The following RTTN variants were observed in gnomAD, a reference collection of about 807,000 sequenced individuals.
RTTN encodes rotatin.
In RTTN, 182 loss-of-function variants were observed where a neutral mutation model predicts 269.2. That is an observed-to-expected ratio of 0.68 (90% CI 0.60 to 0.76). The LOEUF (loss-of-function observed/expected upper bound fraction) is 0.76. Ranked by LOEUF, RTTN falls within the 30% of genes least tolerant of loss-of-function variation. The probability of loss-of-function intolerance (pLI) is 0.00; values close to 1 mark genes in which losing one functional copy is unlikely to be tolerated. For missense variants in RTTN, 2,545 were observed against 2,608.6 expected, an observed-to-expected ratio of 0.98 and a Z score of 0.53; for synonymous variants, 1,006 against 963.5, an observed-to-expected ratio of 1.04 and a Z score of -0.82.
intron 26 of RTTN, among the ~76,000 whole-genome samples, chr18:70,118,708 C>T (rs527685150): frequency 4.6e-5 from 7 of 152,122 alleles, no homozygotes; most frequent in African/African-American, 1.7e-4. Flanking sequence ...CAAACTGAAA[C>T]CAAGAGCACA....
At chr18:70,191,554 C>T (rs778941456) in intron 8 of RTTN, among the ~76,000 whole-genome samples, 6 of 152,118 alleles carry the variant, frequency 3.9e-5, no homozygotes, top group Admixed American at 6.5e-5. Context: ...CCCAAAAAAA[C>T]GGAACATCCC....
chr18:70,109,474 C>T (rs2059404384), intron 28 of RTTN, 24 bp downstream of exon 28: 1 of 1,582,562 alleles, frequency 6.3e-7, no homozygotes, highest in East Asian at 2.2e-5. Context: ...TAGTAAATAA[C>T]TACCATATGC....
rs142885283 is a variant in RTTN, at chr18:70,172,665, C to T, written c.1477-3598G>A. ...TAGATAATTGATTTGTTTTTAAAAA[C>T]GGAAACAATAAAACAATAACTACCT... On this transcript the variant is annotated intron_variant, in intron 11 of 48. Transcript: ENST00000640769. Among the ~76,000 whole-genome samples, 31 of 150,956 alleles carry T rather than the reference C, an allele frequency of 2.1e-4. No homozygotes were observed. The East Asian group carries it at 3.3e-3, about 16-fold the overall frequency.
chr18:70,010,273 A>G (rs1280385958), intron 46 of RTTN, among the ~76,000 whole-genome samples: 2 of 152,214 alleles, frequency 1.3e-5, no homozygotes, highest in Non-Finnish European at 2.9e-5. Flanking sequence ...CCCCAAATCA[A>G]CAGAGTATAC....
chr18:70,064,086 C>T (rs1446577277), intron 35 of RTTN, among the ~76,000 whole-genome samples: 1 of 150,354 alleles, frequency 6.7e-6, no homozygotes, highest in Non-Finnish European at 1.5e-5. Context: ...GTCTGTAATC[C>T]CAGCACTTTG....
intron 40 of RTTN, among the ~76,000 whole-genome samples, chr18:70,037,691 T>C (rs2057216785): frequency 6.6e-6 from 1 of 152,026 alleles, no homozygotes; most frequent in African/African-American, 2.4e-5. Context: ...GCAGCTGTGG[T>C]GGCTACAACA....
At chr18:70,188,063 A>C (rs923622341) in intron 10 of RTTN, 45 bp downstream of exon 10, 2 of 1,183,096 alleles carry the variant, frequency 1.7e-6, no homozygotes, top group African/African-American at 3.1e-5. Context: ...CCAAAATCTT[A>C]AAAAATACTA....
chr18:70,149,997 G>A lies in RTTN; in HGVS notation c.2146C>T (p.Leu716Phe). Residue 716 changes from leucine to phenylalanine, a missense_variant, in exon 16 of 49, where the codon CTC (leucine) becomes TTC (phenylalanine). Transcript: ENST00000640769. The stretch of plus-strand genomic sequence containing the variant: ...TGTAGTATTGGGATGACAGGACAGA[G>A]AGATTCAATAAACTTGTTCCAGGTC... ...ALTWNKFIESLCPVIPILQGY... is the reference protein window; with the variant it reads ...ALTWNKFIESFCPVIPILQGY... 1 of 1,611,452 alleles carries A rather than the reference G, an allele frequency of 6.2e-7. No individual in the cohort carries two copies. Among genetic ancestry groups the A allele is most frequent in the East Asian group, 2.2e-5 (1 of 44,864 alleles).
intron 21 of RTTN, among the ~76,000 whole-genome samples, chr18:70,137,408 C>T (rs902787552): frequency 4.6e-5 from 7 of 152,124 alleles, no homozygotes; most frequent in African/African-American, 1.7e-4. Flanking sequence ...GCAGTGTTAT[C>T]TGAGAAGTTA....
At chr18:70,107,664 A>C (rs1295326162) in intron 28 of RTTN, among the ~76,000 whole-genome samples, 1 of 152,232 alleles carries the variant, frequency 6.6e-6, no homozygotes, top group African/African-American at 2.4e-5. Flanking sequence ...AACTAAACTA[A>C]AAGTAGAAGG....
Position 70,015,702 on chromosome 18 carries a change from C to T in RTTN, c.6421+1705G>A, listed in dbSNP as rs961765418. 2.6e-5 allele frequency among the ~76,000 whole-genome samples: 4 copies of T among 152,236 alleles called. No homozygotes were observed. The East Asian group carries it at 7.7e-4, about 29-fold the overall frequency. On this transcript the variant is annotated intron_variant, in intron 46 of 48. Transcript: ENST00000640769. ...AATGAAGGAGAAAAAGCATTGCTGA[C>T]TACAAAGAAATGCTAAAAATAATTC... is the stretch of plus-strand genomic sequence containing the variant.
intron 28 of RTTN, among the ~76,000 whole-genome samples, chr18:70,101,450 A>G (rs2059163265): frequency 1.3e-5 from 2 of 151,778 alleles, no homozygotes; most frequent in Admixed American, 6.6e-5. Flanking sequence ...TATTGCATCT[A>G]TTTGATTCTT....
chr18:70,115,916 G>C (rs1022664767), intron 26 of RTTN, among the ~76,000 whole-genome samples: 17 of 151,802 alleles, frequency 1.1e-4, no homozygotes, highest in African/African-American at 4.1e-4. Context: ...ATATAACTGA[G>C]AGCTTTTGGA....
intron 28 of RTTN, among the ~76,000 whole-genome samples, chr18:70,108,642 AAC>A (rs1195903220): frequency 2.0e-5 from 3 of 152,156 alleles, no homozygotes; most frequent in Non-Finnish European, 4.4e-5. Flanking sequence ...GAAATCCACT[AAC>A]ATATAAAAAG....
intron 11 of RTTN, among the ~76,000 whole-genome samples, chr18:70,175,045 C>CAAAAAAAAAAA (rs5825998): frequency 1.4e-4 from 12 of 86,814 alleles, no homozygotes; most frequent in African/African-American, 1.8e-4. Context: ...AAACCAAAAC[C>CAAAAAAAAAAA]AAAAAAAAAA....
chr18:70,010,121 C>T (rs141157048), intron 46 of RTTN, among the ~76,000 whole-genome samples: 9 of 152,252 alleles, frequency 5.9e-5, no homozygotes, highest in Admixed American at 1.3e-4. Flanking sequence ...GACTTAGACT[C>T]GCACACAATA....
chr18:70,114,361 G>C, intron 27 of RTTN, 84 bp downstream of exon 27: 1 of 1,202,138 alleles, frequency 8.3e-7, no homozygotes. Flanking sequence ...TAATTTGAAA[G>C]AAGTACAAAG....
At chr18:70,015,852 A>G (rs2056523256) in intron 46 of RTTN, among the ~76,000 whole-genome samples, 1 of 152,110 alleles carries the variant, frequency 6.6e-6, no homozygotes, top group African/African-American at 2.4e-5. Flanking sequence ...AATCATTCTA[A>G]GAAAGGTGAA....
In RTTN at chr18:70,054,268, T is replaced by A. The variant is rs774860706; in HGVS notation, c.5048A>T (p.Glu1683Val). 6.2e-7 allele frequency: 1 copy of A among 1,611,412 alleles called. No individual in the cohort carries two copies. The highest frequency in any genetic ancestry group is 1.1e-5 in the South Asian group (1 of 90,520). The change falls in exon 38 of 49, where the codon GAA becomes GTA. Residue 1683 changes from glutamate (E) to valine (V), a missense_variant. Glu to Val is a moderately radical substitution (Grantham distance 121, BLOSUM62 -2). Coordinates refer to ENST00000640769, the MANE Select transcript of RTTN (RefSeq NM_173630.4). Reference sequence around the variant, plus strand: ...AAGCCTGGACAAAGAGGATAGGTATTCCAGGAGAAAGGAAACCTGTTTGAA... The same window carrying A: ...AAGCCTGGACAAAGAGGATAGGTATACCAGGAGAAAGGAAACCTGTTTGAA... Reference protein sequence around the residue: ...HTQAQVSFLLEYLSSLSRLLQ... With the variant: ...HTQAQVSFLLVYLSSLSRLLQ...
Sources: allele counts gnomAD v4.1 joint callset (sites outside exome capture counted in the v4.1 genomes callset), GRCh38; gene constraint gnomAD v4.1.1; transcripts MANE v1.5; gene names NCBI Gene and HGNC (gene_info 2026-07-23, HGNC 2026-07-21).